Variants in SIK2 observed in about 807,000 individuals in gnomAD.
SIK2 encodes the protein serine/threonine-protein kinase SIK2.
A neutral mutation model predicts 103.2 loss-of-function variants in SIK2; 29 were observed. The observed-to-expected ratio is 0.28, with a 90% CI of 0.21 to 0.38. The LOEUF is 0.38. Ranked by LOEUF, SIK2 falls within the 10% of genes least tolerant of loss-of-function variation. The probability of loss-of-function intolerance (pLI) is 1.00; values close to 1 mark genes in which losing one functional copy is unlikely to be tolerated. For synonymous variants in SIK2, 412 were observed against 446.1 expected (o/e 0.92, Z 0.96); for missense variants, 879 against 1,171.0 (o/e 0.75, Z 3.64).
intron 3 of SIK2, among the ~76,000 whole-genome samples, chr11:111,642,555 G>A (rs1440467215): frequency 6.6e-6 from 1 of 152,206 alleles, no homozygotes; most frequent in East Asian, 1.9e-4. Context: ...GCACCTCAGT[G>A]TGTTCAACAA....
rs2136003288 is a variant in SIK2, at chr11:111,730,092, A to G, written c.*5963A>G. 1 of 152,382 alleles carries G rather than the reference A, an allele frequency of 6.6e-6. No homozygotes were observed. Among genetic ancestry groups the G allele is most frequent in the Middle Eastern group, 3.4e-3 (1 of 294 alleles). The allele number at this position is 152,382 out of a possible 1,614,324, so 9.4% of individuals were successfully genotyped here. A position where few individuals can be genotyped will look rare whatever the true frequency, so the allele number is the denominator to read the frequency against. On this transcript the variant is annotated 3_prime_UTR_variant, in exon 15 of 15. Transcript: ENST00000304987. ...TTACAGTCAAGCCCCATCAACTAGA[A>G]GTGCTTATTACTTTTAGGATTAAAA...
At chr11:111,720,402 C>T in intron 10 of SIK2, 76 bp from the exon 11 acceptor site, 1 of 1,411,426 alleles carries the variant, frequency 7.1e-7, no homozygotes, top group Non-Finnish European at 9.6e-7. Context: ...AAAACTCAAG[C>T]TGGTTATGCT....
chr11:111,694,230 G>A (rs957568000), intron 4 of SIK2, among the ~76,000 whole-genome samples: 1 of 152,080 alleles, frequency 6.6e-6, no homozygotes, highest in Non-Finnish European at 1.5e-5. Context: ...CTCTCGGCAT[G>A]TTTTTTTAAT....
intron 3 of SIK2, among the ~76,000 whole-genome samples, chr11:111,665,141 A>G (rs1000848963): frequency 6.6e-6 from 1 of 152,156 alleles, no homozygotes; most frequent in African/African-American, 2.4e-5. Flanking sequence ...TGTACCAGGG[A>G]TACTATGGGG....
At chr11:111,639,958 C>T (rs1456169576) in intron 3 of SIK2, among the ~76,000 whole-genome samples, 2 of 152,146 alleles carry the variant, frequency 1.3e-5, no homozygotes, top group Non-Finnish European at 2.9e-5. Flanking sequence ...ATATTTAATA[C>T]TCTCTTCAGG....
intron 3 of SIK2, among the ~76,000 whole-genome samples, chr11:111,660,254 G>A (rs1466399981): frequency 2.0e-5 from 3 of 152,148 alleles, no homozygotes; most frequent in Non-Finnish European, 4.4e-5. Context: ...TTCCTCGGTG[G>A]TTAATGAAGC....
intron 3 of SIK2, among the ~76,000 whole-genome samples, chr11:111,646,768 T>C (rs1565329261): frequency 6.6e-6 from 1 of 152,260 alleles, no homozygotes; most frequent in Non-Finnish European, 1.5e-5. Context: ...TCGAGATTCA[T>C]CCATGGTGAT....
intron 3 of SIK2, among the ~76,000 whole-genome samples, chr11:111,665,048 T>A (rs1942517335): frequency 6.6e-6 from 1 of 152,126 alleles, no homozygotes; most frequent in Non-Finnish European, 1.5e-5. Flanking sequence ...TGAACTCTGC[T>A]TCTAAAATAG....
intron 3 of SIK2, among the ~76,000 whole-genome samples, chr11:111,628,416 A>ATCTTTCTCTTTCTTTCTTTCTTTCTT (rs1941989828): frequency 8.0e-6 from 1 of 125,574 alleles, no homozygotes; most frequent in Admixed American, 9.1e-5. Context: ...CCGCTTTCAT[A>ATCTTTCTCTTTCTTTCTTTCTTTCTT]TCTTTCTTTC....
At chr11:111,710,418 G>C (rs932781322) in intron 8 of SIK2, among the ~76,000 whole-genome samples, 18 of 152,126 alleles carry the variant, frequency 1.2e-4, no homozygotes, top group African/African-American at 3.9e-4. Context: ...TATAGCCAGT[G>C]ATATTAATAT....
At chr11:111,651,386 AT>A (rs1185565650) in intron 3 of SIK2, among the ~76,000 whole-genome samples, 1 of 152,192 alleles carries the variant, frequency 6.6e-6, no homozygotes, top group African/African-American at 2.4e-5. Context: ...TTGCAGGGAC[AT>A]GGGTGAAGCT....
intron 3 of SIK2, among the ~76,000 whole-genome samples, chr11:111,629,051 G>A: frequency 6.6e-6 from 1 of 152,088 alleles, no homozygotes; most frequent in East Asian, 1.9e-4. Context: ...AATTAGAGGA[G>A]GAGAAAAGAA....
rs1387019047 is a variant in SIK2, at chr11:111,726,421, C to T, written c.*2292C>T. 6.5e-6 allele frequency: 1 copy of T among 153,384 alleles called. No individual in the cohort carries two copies. Among genetic ancestry groups the T allele is most frequent in the Non-Finnish European group, 1.5e-5 (1 of 68,828 alleles). 9.5% of individuals were successfully genotyped at this position (153,384 alleles called of 1,614,324 possible). A position where few individuals can be genotyped will look rare whatever the true frequency, so the allele number is the denominator to read the frequency against. ...CGAGAGGTGCCCTACAGCAGCCAGG[C>T]CTATCAGGATCCGTCACACACGGCA... On this transcript the variant is annotated 3_prime_UTR_variant, in exon 15 of 15. Coordinates refer to ENST00000304987, the MANE Select transcript of SIK2 (RefSeq NM_015191.3).
intron 9 of SIK2, among the ~76,000 whole-genome samples, chr11:111,715,251 A>G (rs997599953): frequency 1.3e-5 from 2 of 152,320 alleles, no homozygotes; most frequent in Non-Finnish European, 2.9e-5. Context: ...ATGTCAGCAA[A>G]AACGCTTGTC....
chr11:111,674,092 G>GA (rs1394528828), intron 3 of SIK2, among the ~76,000 whole-genome samples: 6 of 143,562 alleles, frequency 4.2e-5, no homozygotes, highest in East Asian at 4.1e-4. Flanking sequence ...AAGAAAAAAA[G>GA]AAAAAAAAAA....
At chr11:111,628,554 T>G (rs1043456180) in intron 3 of SIK2, among the ~76,000 whole-genome samples, 13 of 151,824 alleles carry the variant, frequency 8.6e-5, no homozygotes, top group Non-Finnish European at 1.8e-4. Context: ...TCCTCCTAAG[T>G]AGCTGGGACT....
intron 2 of SIK2, 83 bp from the exon 3 acceptor site, chr11:111,620,256 T>A: frequency 2.3e-6 from 2 of 882,472 alleles, no homozygotes; most frequent in Non-Finnish European, 3.6e-6. Flanking sequence ...TTATTAGTAG[T>A]TTCAATTTAG....
chr11:111,695,738 A>AT (rs1293018151), intron 4 of SIK2, among the ~76,000 whole-genome samples: 3 of 152,172 alleles, frequency 2.0e-5, no homozygotes, highest in African/African-American at 7.2e-5. Flanking sequence ...TTAGTATTTG[A>AT]TTTATTTCAT....
chr11:111,621,427 C>A (rs1369852462), intron 3 of SIK2, among the ~76,000 whole-genome samples: 1 of 152,142 alleles, frequency 6.6e-6, no homozygotes, highest in Non-Finnish European at 1.5e-5. Flanking sequence ...TATATATCAA[C>A]ATATAATTTC....
Sources: gnomAD v4.1 joint callset for allele counts (sites outside exome capture counted in the v4.1 genomes callset) on GRCh38, gnomAD v4.1.1 for gene constraint, MANE v1.5 for transcripts, NCBI Gene and HGNC (gene_info 2026-07-23, HGNC 2026-07-21) for gene names.